The following TYW5 variants were observed in gnomAD, a reference collection of about 807,000 sequenced individuals.
TYW5 encodes the protein tRNA-yW synthesizing protein 5, also known as tRNA wybutosine-synthesizing protein 5.
In TYW5, 36 loss-of-function variants were observed where a neutral mutation model predicts 44.4. The observed-to-expected ratio is 0.81, with a 90% CI of 0.62 to 1.07. TYW5 has a LOEUF of 1.07. Ranked by LOEUF, TYW5 falls within the 50% of genes least tolerant of loss-of-function variation. The probability of loss-of-function intolerance (pLI) is 0.00; values close to 1 mark genes in which losing one functional copy is unlikely to be tolerated. For missense variants in TYW5, 354 were observed against 365.7 expected, an observed-to-expected ratio of 0.97 and a Z score of 0.26; for synonymous variants, 121 against 128.1, an observed-to-expected ratio of 0.94 and a Z score of 0.37.
chr2:199,947,132 T>G (rs2077509488), intron 2 of TYW5: 1 of 152,178 alleles, frequency 6.6e-6, no homozygotes, highest in Non-Finnish European at 1.5e-5. Context: ...ATGGTGAATA[T>G]TCAAAGGATT....
chr2:199,940,042 A>C (rs1559302675), intron 4 of TYW5, 47 bp downstream of exon 4: 5 of 1,547,690 alleles, frequency 3.2e-6, no homozygotes, highest in Admixed American at 1.7e-5. Context: ...TAACATACAT[A>C]CATCCATTTA....
At chr2:199,936,189 G>C in intron 6 of TYW5, 142 bp from the exon 7 acceptor site, 2 of 681,082 alleles carry the variant, frequency 2.9e-6, no homozygotes, top group Non-Finnish European at 5.1e-6. Context: ...CTATGCTACT[G>C]ACACCTAAGA....
intron 6 of TYW5, 143 bp downstream of exon 6, chr2:199,936,262 A>G: frequency 2.6e-6 from 2 of 768,502 alleles, no homozygotes; most frequent in South Asian, 3.7e-5. Flanking sequence ...GATAATTTCA[A>G]ATTTGAACCT....
intron 2 of TYW5, chr2:199,947,545 A>C (rs2077512362): frequency 6.6e-6 from 1 of 152,238 alleles, no homozygotes; most frequent in Non-Finnish European, 1.5e-5. Flanking sequence ...TATGATTTTT[A>C]AAAGTTATCT....
chr2:199,945,120 C>G (rs2077494444), intron 2 of TYW5: 1 of 152,158 alleles, frequency 6.6e-6, no homozygotes, highest in Non-Finnish European at 1.5e-5. Context: ...AACGCAGAAG[C>G]TAAGTTCATG....
chr2:199,941,628 CA>C (rs1361730450), intron 3 of TYW5, among the ~76,000 whole-genome samples: 5 of 152,202 alleles, frequency 3.3e-5, no homozygotes, highest in African/African-American at 1.2e-4. Context: ...TAATAAGTTT[CA>C]AAATGTTCTT....
intron 1 of TYW5, among the ~76,000 whole-genome samples, chr2:199,953,124 C>G (rs979047480): frequency 3.9e-5 from 6 of 152,122 alleles, no homozygotes; most frequent in African/African-American, 1.4e-4. Flanking sequence ...GAGTTTGAGA[C>G]CAGCCTGGCC....
intron 1 of TYW5, among the ~76,000 whole-genome samples, chr2:199,948,928 A>G (rs1266862709): frequency 6.6e-6 from 1 of 152,252 alleles, no homozygotes. Flanking sequence ...TAAATTAAGC[A>G]TAATTTTGTT....
In TYW5 at chr2:199,938,899, T is replaced by C. The variant is rs773456503; in HGVS notation, c.486+34A>G. ...TTAAATCTATAATGCTAAAGATCTA[T>C]TGTAGCTTTAAATTTCTCATTTATG... On this transcript the variant is annotated intron_variant, in intron 5 of 7. Transcript: ENST00000354611. 32 of 1,564,940 alleles carry C rather than the reference T, an allele frequency of 2.0e-5. No homozygotes were observed. The East Asian group carries it at 3.1e-4, about 15-fold the overall frequency.
chr2:199,948,424 T>C lies in TYW5; in HGVS notation c.127A>G (p.Lys43Glu), dbSNP rs2077519350. Residue 43 changes from lysine (K) to glutamate (E), a missense_variant, in exon 2 of 8, where the codon AAA becomes GAA. By Grantham distance (56) the Lys-to-Glu change is moderately conservative. Coordinates refer to ENST00000354611, the MANE Select transcript of TYW5 (RefSeq NM_001039693.3). Reference sequence around the variant, plus strand: ...TGGCTTAGGTAATCCACTGTCCATTTGCTTGTACATGGCCCCAAATCAATC... The same window carrying C: ...TGGCTTAGGTAATCCACTGTCCATTCGCTTGTACATGGCCCCAAATCAATC... Reference protein sequence around the residue: ...EGIDLGPCTSKWTVDYLSQVG... With the variant: ...EGIDLGPCTSEWTVDYLSQVG... 1 of 1,614,188 alleles carries C rather than the reference T, an allele frequency of 6.2e-7. No homozygotes were observed. The highest frequency in any genetic ancestry group is 8.5e-7 in the Non-Finnish European group (1 of 1,180,026).
chr2:199,951,189 A>C (rs2077541952), intron 1 of TYW5, among the ~76,000 whole-genome samples: 1 of 152,210 alleles, frequency 6.6e-6, no homozygotes, highest in Non-Finnish European at 1.5e-5. Context: ...TGTATCAATT[A>C]GCCTGTGGTA....
In TYW5 at chr2:199,929,554, ATTTTTTTTT is replaced by A. The variant is rs33943305; in HGVS notation, c.*3504_*3512del. 9.3e-6 allele frequency among the ~76,000 whole-genome samples: 1 copy of A among 107,530 alleles called. No individual in the cohort carries two copies. Among genetic ancestry groups the A allele is most frequent in the Non-Finnish European group, 2.0e-5 (1 of 50,290 alleles). The allele number at this position is 107,530 out of a possible 152,430, so 70.5% of individuals were successfully genotyped here. On this transcript the variant is annotated 3_prime_UTR_variant, in exon 8 of 8. Coordinates refer to ENST00000354611, the MANE Select transcript of TYW5 (RefSeq NM_001039693.3). ...CCAGGCCTGCCTTCCAGCTTCCTGC[ATTTTTTTTT>A]TTTTTTTTTTGTCAACTCCTTTGAT... is the stretch of plus-strand genomic sequence containing the variant.
chr2:199,936,343 G>A, intron 6 of TYW5, 62 bp downstream of exon 6: 1 of 1,371,168 alleles, frequency 7.3e-7, no homozygotes, highest in Non-Finnish European at 1.0e-6. Flanking sequence ...AGAATCAAGA[G>A]ATTTCTCAAA....
Position 199,943,893 on chromosome 2 carries a change from C to G in TYW5, c.234-59G>C, listed in dbSNP as rs1052270573. 7 of 1,303,284 alleles carry G rather than the reference C, an allele frequency of 5.4e-6. No individual in the cohort carries two copies. In the African/African-American group the frequency reaches 1.0e-4, roughly 19 times the overall value. 80.7% of individuals were successfully genotyped at this position (1,303,284 alleles called of 1,614,324 possible). Reference sequence around the variant, plus strand: ...TAATAACAGATCAACTAGTAAGAATCTAATCACTATACATAAAGGCTTGCT... The same window carrying G: ...TAATAACAGATCAACTAGTAAGAATGTAATCACTATACATAAAGGCTTGCT... On this transcript the variant is annotated intron_variant, in intron 2 of 7. Coordinates refer to ENST00000354611, the MANE Select transcript of TYW5 (RefSeq NM_001039693.3).
intron 1 of TYW5, among the ~76,000 whole-genome samples, chr2:199,952,419 C>G (rs2077552957): frequency 6.6e-6 from 1 of 152,080 alleles, no homozygotes; most frequent in Non-Finnish European, 1.5e-5. Context: ...CTCAGTGTAG[C>G]TTTATTTCTC....
Position 199,938,166 on chromosome 2 carries a change from G to T in TYW5, c.486+767C>A, listed in dbSNP as rs191191482. ...TGCAAGCTCTGCCTCCTGGATTCAC[G>T]CCATTCTCCTGCCTAAGCCTCTGGA... is the stretch of plus-strand genomic sequence containing the variant. On this transcript the variant is annotated intron_variant, in intron 5 of 7. Coordinates refer to ENST00000354611, the MANE Select transcript of TYW5 (RefSeq NM_001039693.3). Among the ~76,000 whole-genome samples the T allele has an allele frequency of 8.0e-3, 1,207 of 151,560 alleles. 16 individuals carry two copies. The highest frequency in any genetic ancestry group is 0.028 in the African/African-American group (1,136 of 41,280).
rs775578105 is a variant in TYW5, at chr2:199,936,058, C to T, written c.575-11G>A. ...CTTCTGATTTAGTACCTAAAAAGTTCCAAAAAGGGATAATATAGATTCAGC... is the reference window on the plus strand; with the variant it reads ...CTTCTGATTTAGTACCTAAAAAGTTTCAAAAAGGGATAATATAGATTCAGC... On this transcript the variant is annotated splice_polypyrimidine_tract_variant and intron_variant, in intron 6 of 7. Transcript: ENST00000354611. 8.3e-6 allele frequency: 12 copies of T among 1,437,316 alleles called. No individual in the cohort carries two copies. Among genetic ancestry groups the T allele is most frequent in the Non-Finnish European group, 1.2e-5 (12 of 1,031,300 alleles). The allele number at this position is 1,437,316 out of a possible 1,614,324, so 89.0% of individuals were successfully genotyped here.
rs571041215 is a variant in TYW5 at position 199,939,574 on chromosome 2, C to T, written c.349-504G>A. ...AATATTCAGGAGTCAACACCTTGAA[C>T]TAACATTACTAGCTATCACCTACAT... is the stretch of plus-strand genomic sequence containing the variant. On this transcript the variant is annotated intron_variant, in intron 4 of 7. Transcript: ENST00000354611. Among the ~76,000 whole-genome samples, 14 of 152,270 alleles carry T rather than the reference C, an allele frequency of 9.2e-5. No individual in the cohort carries two copies. The South Asian group carries it at 2.9e-3, about 32-fold the overall frequency.
chr2:199,938,506 T>C (rs891869957), intron 5 of TYW5, among the ~76,000 whole-genome samples: 7 of 152,242 alleles, frequency 4.6e-5, no homozygotes, highest in African/African-American at 1.7e-4. Flanking sequence ...TCAGCCTTTT[T>C]CCTGAATAAC....
Sources: allele counts gnomAD v4.1 joint callset (sites outside exome capture counted in the v4.1 genomes callset), GRCh38; gene constraint gnomAD v4.1.1; transcripts MANE v1.5; gene names NCBI Gene and HGNC (gene_info 2026-07-23, HGNC 2026-07-21).